MYEF2: variants seen among roughly 807,000 people sequenced by gnomAD.
MYEF2 encodes myelin gene expression factor 2.
MYEF2 carries 37 observed loss-of-function variants against 75.2 expected under a neutral mutation model. That is an observed-to-expected ratio of 0.49 (90% CI 0.38 to 0.65). The LOEUF is 0.65. MYEF2 is among the 30% of genes least tolerant of loss of function. MYEF2 has a pLI of 0.00. For synonymous variants in MYEF2, 195 were observed against 241.6 expected, an observed-to-expected ratio of 0.81 and a Z score of 1.79; for missense variants, 634 against 771.4, an observed-to-expected ratio of 0.82 and a Z score of 2.11.
intron 5 of MYEF2, among the ~76,000 whole-genome samples, chr15:48,163,884 G>C (rs1336667465): frequency 6.6e-6 from 1 of 151,960 alleles, no homozygotes; most frequent in Non-Finnish European, 1.5e-5. Context: ...CCACTGTTGA[G>C]ACCTCTTGCT....
chr15:48,175,652 C>T (rs1390548643), intron 1 of MYEF2, among the ~76,000 whole-genome samples: 1 of 152,048 alleles, frequency 6.6e-6, no homozygotes, highest in Admixed American at 6.6e-5. Flanking sequence ...ATAAAAATCA[C>T]TCAGCTAAAG....
chr15:48,156,167 T>A (rs572659723), intron 9 of MYEF2, among the ~76,000 whole-genome samples: 7 of 152,154 alleles, frequency 4.6e-5, no homozygotes, highest in South Asian at 4.1e-4. Context: ...TAGTCATAAA[T>A]GCTTATATTA....
rs1408506794 is a variant in MYEF2, at chr15:48,134,974, C to A, written c.*7934G>T. ...AGTTCTTGGTATAATATATGACAAC[C>A]AAGTTTACTGGTAAGCTTGAAAATA... On this transcript the variant is annotated 3_prime_UTR_variant, in exon 17 of 17. Transcript: ENST00000324324. 6.2e-7 allele frequency: 1 copy of A among 1,604,634 alleles called. No homozygotes were observed. The highest frequency in any genetic ancestry group is 8.5e-7 in the Non-Finnish European group (1 of 1,172,718).
In MYEF2 at chr15:48,140,262, T is replaced by C. The variant is rs2039021855; in HGVS notation, c.*2646A>G. ...AATATTAGTGTTATTTATGCACATA[T>C]GAATTCTAGCAAAGCCAGTAACAGA... On this transcript the variant is annotated 3_prime_UTR_variant, in exon 17 of 17. Transcript: ENST00000324324. The C allele has an allele frequency of 6.6e-6, 1 of 152,008 alleles. No homozygotes were observed. Among genetic ancestry groups the C allele is most frequent in the South Asian group, 2.1e-4 (1 of 4,818 alleles). 9.4% of individuals were successfully genotyped at this position (152,008 alleles called of 1,614,324 possible). A position where few individuals can be genotyped will look rare whatever the true frequency, so the allele number is the denominator to read the frequency against.
At chr15:48,150,547 G>A (rs1680131991) in intron 14 of MYEF2, among the ~76,000 whole-genome samples, 1 of 151,988 alleles carries the variant, frequency 6.6e-6, no homozygotes, top group African/African-American at 2.4e-5. Flanking sequence ...AAAGGTAGGA[G>A]TGGAAATAGA....
At chr15:48,173,278 T>C (rs80160928) in intron 1 of MYEF2, among the ~76,000 whole-genome samples, 4,612 of 152,244 alleles carry the variant, frequency 0.03, 169 homozygotes, top group Admixed American at 0.091. Flanking sequence ...AGAAAAAGCA[T>C]TTGACAAAAC....
intron 16 of MYEF2, among the ~76,000 whole-genome samples, chr15:48,147,371 TC>T (rs2140817477): frequency 6.6e-6 from 1 of 152,106 alleles, no homozygotes; most frequent in South Asian, 2.1e-4. Context: ...CATTTCTTTG[TC>T]CTGCTTTGCT....
At chr15:48,144,461 A>G (rs1308047756) in intron 16 of MYEF2, among the ~76,000 whole-genome samples, 1 of 152,034 alleles carries the variant, frequency 6.6e-6, no homozygotes, top group African/African-American at 2.4e-5. Context: ...TACTGAGACA[A>G]AACCAGTATC....
chr15:48,153,650 C>G (rs2039579103), intron 10 of MYEF2, 142 bp downstream of exon 10: 2 of 684,274 alleles, frequency 2.9e-6, no homozygotes, highest in African/African-American at 1.8e-5. Flanking sequence ...AGGTTTCATT[C>G]CTTTTTCAGA....
intron 16 of MYEF2, among the ~76,000 whole-genome samples, chr15:48,147,314 C>T (rs545580028): frequency 6.6e-6 from 1 of 152,098 alleles, no homozygotes; most frequent in South Asian, 2.1e-4. Context: ...AAGCAGCCTA[C>T]AAAGAATAAA....
rs1204333838 is a variant in MYEF2, at chr15:48,158,231, G to A, written c.872-7C>T. Reference sequence around the variant, plus strand: ...AACTGCCCATTGAACATAGCTGTTGGTTCAGTCAAGGAAAGTCAGTTAAGA... The same window carrying A: ...AACTGCCCATTGAACATAGCTGTTGATTCAGTCAAGGAAAGTCAGTTAAGA... On this transcript the variant is annotated splice_polypyrimidine_tract_variant and splice_region_variant and intron_variant, in intron 7 of 16. Coordinates refer to ENST00000324324, the MANE Select transcript of MYEF2 (RefSeq NM_016132.5). 6 of 1,612,448 alleles carry A rather than the reference G, an allele frequency of 3.7e-6. No homozygotes were observed. The highest frequency in any genetic ancestry group is 5.1e-6 in the Non-Finnish European group (6 of 1,179,038).
Position 48,138,500 on chromosome 15 carries a change from T to C in MYEF2, c.*4408A>G, listed in dbSNP as rs1466513103. 6.6e-6 allele frequency: 1 copy of C among 152,666 alleles called. No homozygotes were observed. The highest frequency in any genetic ancestry group is 2.4e-5 in the African/African-American group (1 of 41,422). 9.5% of individuals were successfully genotyped at this position (152,666 alleles called of 1,614,324 possible). A position where few individuals can be genotyped will look rare whatever the true frequency, so the allele number is the denominator to read the frequency against. On this transcript the variant is annotated 3_prime_UTR_variant, in exon 17 of 17. Transcript: ENST00000324324. Reference sequence around the variant, plus strand: ...CTAAGAATTAGGATATGCGACTTAATAAAAAAATTATGCTATGATTATTTT... The same window carrying C: ...CTAAGAATTAGGATATGCGACTTAACAAAAAAATTATGCTATGATTATTTT...
rs2039077189 is a variant in MYEF2, at chr15:48,141,340, A to G, written c.*1568T>C. ...GCGCCTGTAATCCCAGGATTTTGGG[A>G]GGCCGAGGCGGGTGGATCACGAGGT... On this transcript the variant is annotated 3_prime_UTR_variant, in exon 17 of 17. Coordinates refer to ENST00000324324, the MANE Select transcript of MYEF2 (RefSeq NM_016132.5). The G allele has an allele frequency of 1.0e-5, 7 of 680,190 alleles. No homozygotes were observed. In the South Asian group the frequency reaches 1.3e-4, roughly 12 times the overall value. 42.1% of individuals were successfully genotyped at this position (680,190 alleles called of 1,614,324 possible).
rs1014114484 is a variant in MYEF2 at position 48,142,560 on chromosome 15, GA to G, written c.*347del. 16 of 471,852 alleles carry G rather than the reference GA, an allele frequency of 3.4e-5. No homozygotes were observed. Among genetic ancestry groups the G allele is most frequent in the African/African-American group, 1.0e-4 (5 of 50,188 alleles). 29.2% of individuals were successfully genotyped at this position (471,852 alleles called of 1,614,324 possible). A position where few individuals can be genotyped will look rare whatever the true frequency, so the allele number is the denominator to read the frequency against. On this transcript the variant is annotated 3_prime_UTR_variant, in exon 17 of 17. Transcript: ENST00000324324. ...ATATTATAAAACAGAAGTTTGGGGG[GA>G]AAAAATCTATGTTTTACCATACAAT...
chr15:48,145,272 G>A (rs1247968340), intron 16 of MYEF2, among the ~76,000 whole-genome samples: 1 of 151,758 alleles, frequency 6.6e-6, no homozygotes, highest in African/African-American at 2.4e-5. Context: ...GATGTTCTAA[G>A]TTTCTTCCTG....
chr15:48,137,019 AT>A lies in MYEF2; in HGVS notation c.*5888del. 1 of 1,513,942 alleles carries A rather than the reference AT, an allele frequency of 6.6e-7. No homozygotes were observed. The highest frequency in any genetic ancestry group is 1.3e-5 in the South Asian group (1 of 76,046). The allele number at this position is 1,513,942 out of a possible 1,614,324, so 93.8% of individuals were successfully genotyped here. On this transcript the variant is annotated 3_prime_UTR_variant, in exon 17 of 17. Coordinates refer to ENST00000324324, the MANE Select transcript of MYEF2 (RefSeq NM_016132.5). ...CTATTCGCAAAGGAAAAACTTTAAA[AT>A]TTCATTTCAATTCAGCAAGTATTGT...
At chr15:48,155,494 A>C (rs1364828884) in intron 9 of MYEF2, among the ~76,000 whole-genome samples, 1 of 152,122 alleles carries the variant, frequency 6.6e-6, no homozygotes, top group African/African-American at 2.4e-5. Flanking sequence ...AAAGTATTGG[A>C]TCTAAGACAA....
At position 48,177,337 on chromosome 15, in the gene MYEF2, G is replaced by GA. The variant is rs558072204; in HGVS notation, c.161+739dup. On this transcript the variant is annotated intron_variant, in intron 1 of 16. Transcript: ENST00000324324. Reference sequence around the variant, plus strand: ...ACCTTAAAAGTCTTCCTTCATTTGGGAAAAAAAAAATCTTAACCATCTATT... The same window carrying GA: ...ACCTTAAAAGTCTTCCTTCATTTGGGAAAAAAAAAAATCTTAACCATCTATT... Among the ~76,000 whole-genome samples the GA allele has an allele frequency of 1.5e-3, 225 of 147,914 alleles. 1 individual carries two copies. The highest frequency in any genetic ancestry group is 1.8e-3 in the Non-Finnish European group (123 of 66,834).
At chr15:48,152,147 C>CT (rs2039514829) in intron 11 of MYEF2, 87 bp downstream of exon 11, 29 of 1,369,908 alleles carry the variant, frequency 2.1e-5, no homozygotes, top group Non-Finnish European at 2.5e-5. Flanking sequence ...TAAACCATGA[C>CT]TTTTTTTTCA....
Sources: allele counts gnomAD v4.1 joint callset (sites outside exome capture counted in the v4.1 genomes callset), GRCh38; gene constraint gnomAD v4.1.1; transcripts MANE v1.5; gene names NCBI Gene and HGNC (gene_info 2026-07-23, HGNC 2026-07-21).